ANKS1B: variants seen among roughly 807,000 people sequenced by gnomAD.
The protein encoded by ANKS1B is ankyrin repeat and sterile alpha motif domain containing 1B.
Under a neutral mutation model 148.3 loss-of-function variants are expected in ANKS1B, and 36 were observed. That is an observed-to-expected ratio of 0.24 (90% CI 0.19 to 0.32). The LOEUF is 0.32. ANKS1B is among the 10% of genes least tolerant of loss of function. The pLI is 1.00. For missense variants in ANKS1B, 1,157 were observed against 1,542.6 expected, an observed-to-expected ratio of 0.75 and a Z score of 4.19; for synonymous variants, 542 against 560.8, an observed-to-expected ratio of 0.97 and a Z score of 0.47.
At chr12:99,025,521 G>C (rs2099948239) in intron 17 of ANKS1B, among the ~76,000 whole-genome samples, 1 of 152,194 alleles carries the variant, frequency 6.6e-6, no homozygotes, top group Non-Finnish European at 1.5e-5. Flanking sequence ...ATGTCAGGCT[G>C]TTGCTTTTTC....
At chr12:99,167,004 C>T (rs2077245878) in intron 14 of ANKS1B, among the ~76,000 whole-genome samples, 1 of 151,946 alleles carries the variant, frequency 6.6e-6, no homozygotes, top group Non-Finnish European at 1.5e-5. Context: ...AAAATCAGTT[C>T]TGTAAAGAAA....
intron 9 of ANKS1B, among the ~76,000 whole-genome samples, chr12:99,604,550 A>G (rs2097835245): frequency 6.6e-6 from 1 of 151,950 alleles, no homozygotes; most frequent in East Asian, 1.9e-4. Context: ...TGGAGTGCCT[A>G]ACGCCTGTAA....
At chr12:99,717,537 G>A (rs2153546806) in intron 8 of ANKS1B, among the ~76,000 whole-genome samples, 1 of 152,256 alleles carries the variant, frequency 6.6e-6, no homozygotes, top group Admixed American at 6.5e-5. Flanking sequence ...TCCCATCTGT[G>A]TGGGACCCCA....
intron 17 of ANKS1B, among the ~76,000 whole-genome samples, chr12:98,901,127 G>A (rs556285442): frequency 6.6e-6 from 1 of 152,118 alleles, no homozygotes; most frequent in Non-Finnish European, 1.5e-5. Context: ...CTCGGCTCTT[G>A]TCCTCAAATA....
At chr12:99,615,810 A>G (rs10860475) in intron 9 of ANKS1B, among the ~76,000 whole-genome samples, 10,764 of 152,214 alleles carry the variant, frequency 0.071, 578 homozygotes, top group East Asian at 0.24. Context: ...AGGCAAGAGA[A>G]AGAAATAAAG....
intron 9 of ANKS1B, among the ~76,000 whole-genome samples, chr12:99,608,908 T>G (rs6538919): frequency 0.66 from 99,770 of 151,772 alleles, 32,977 homozygotes; most frequent in Admixed American, 0.71. Flanking sequence ...GGAAACTGAA[T>G]GGAAGATAGA....
At chr12:99,114,191 T>C (rs569921798) in intron 15 of ANKS1B, among the ~76,000 whole-genome samples, 2 of 152,304 alleles carry the variant, frequency 1.3e-5, no homozygotes, top group African/African-American at 4.8e-5. Context: ...TCTCATAACC[T>C]TTATGAGAAT....
intron 12 of ANKS1B, among the ~76,000 whole-genome samples, chr12:99,257,094 A>T (rs1368695353): frequency 6.6e-6 from 1 of 152,138 alleles, no homozygotes; most frequent in Non-Finnish European, 1.5e-5. Context: ...AATACAAAAA[A>T]TTAGCCTGGC....
intron 17 of ANKS1B, among the ~76,000 whole-genome samples, chr12:98,987,704 CA>C (rs141323821): frequency 0.066 from 10,097 of 152,094 alleles, 465 homozygotes; most frequent in Non-Finnish European, 0.093. Flanking sequence ...AGAACTCAAA[CA>C]AAGACTATTA....
intron 10 of ANKS1B, among the ~76,000 whole-genome samples, chr12:99,458,479 C>A (rs931796785): frequency 1.3e-5 from 2 of 149,496 alleles, no homozygotes; most frequent in African/African-American, 4.9e-5. Flanking sequence ...AAAGCTGGTT[C>A]TTTGAAAAGA....
chr12:99,661,348 T>C (rs12818180), intron 8 of ANKS1B, among the ~76,000 whole-genome samples: 65,882 of 151,946 alleles, frequency 0.43, 15,066 homozygotes, highest in South Asian at 0.56. Context: ...CACACTTACA[T>C]GTAGACATAC....
rs1317079958 is a variant in ANKS1B at position 99,825,301 on chromosome 12, G to C, written c.215+8C>G. ...ACACACGATTCCGTCCAAATAAGTG[G>C]CACTTACTTATGTCCATTTAAGGCT... On this transcript the variant is annotated splice_region_variant and intron_variant, in intron 2 of 26. Coordinates refer to ENST00000683438, the MANE Select transcript of ANKS1B (RefSeq NM_001352186.2). 12 of 1,607,028 alleles carry C rather than the reference G, an allele frequency of 7.5e-6. No individual in the cohort carries two copies. The highest frequency in any genetic ancestry group is 1.0e-5 in the Non-Finnish European group (12 of 1,174,864).
At chr12:98,928,352 C>A (rs2099810634) in intron 17 of ANKS1B, among the ~76,000 whole-genome samples, 1 of 150,482 alleles carries the variant, frequency 6.6e-6, no homozygotes, top group African/African-American at 2.4e-5. Flanking sequence ...TGAATTCTAC[C>A]AAATACTTAA....
chr12:99,979,364 A>G (rs1244079301), intron 1 of ANKS1B, among the ~76,000 whole-genome samples: 2 of 152,318 alleles, frequency 1.3e-5, no homozygotes, highest in South Asian at 4.1e-4. Flanking sequence ...CTGGCAGAGT[A>G]AAAGGAAAAC....
chr12:98,856,482 T>C (rs887515477), intron 17 of ANKS1B, among the ~76,000 whole-genome samples: 2 of 152,214 alleles, frequency 1.3e-5, no homozygotes, highest in African/African-American at 4.8e-5. Flanking sequence ...CATAGGCCTA[T>C]TGAAGGCATT....
chr12:99,207,597 G>C (rs1287138927), intron 14 of ANKS1B, among the ~76,000 whole-genome samples: 1 of 152,020 alleles, frequency 6.6e-6, no homozygotes, highest in Non-Finnish European at 1.5e-5. Context: ...GTTTTTGACA[G>C]ACAGCTCAAA....
At chr12:98,940,794 T>C (rs185984857) in intron 17 of ANKS1B, among the ~76,000 whole-genome samples, 7 of 152,012 alleles carry the variant, frequency 4.6e-5, no homozygotes, top group Admixed American at 3.9e-4. Context: ...TAACCTAGAG[T>C]CTAGCAAGAG....
chr12:99,501,945 A>C (rs898633377), intron 10 of ANKS1B, among the ~76,000 whole-genome samples: 12 of 152,064 alleles, frequency 7.9e-5, no homozygotes, highest in Admixed American at 3.3e-4. Context: ...TTTCTTTTCT[A>C]TATCGTATCC....
chr12:99,655,221 A>G lies in ANKS1B; in HGVS notation c.1129-11T>C. 1.3e-6 allele frequency: 2 copies of G among 1,576,268 alleles called. No homozygotes were observed. The highest frequency in any genetic ancestry group is 1.7e-6 in the Non-Finnish European group (2 of 1,155,088). On this transcript the variant is annotated splice_polypyrimidine_tract_variant and intron_variant, in intron 8 of 26. Coordinates refer to ENST00000683438, the MANE Select transcript of ANKS1B (RefSeq NM_001352186.2). ...TGTAGATGAGGTTCTCTGAAATTAA[A>G]TTTATATCATACCAATATATTATAT...
Sources: gnomAD v4.1 joint callset for allele counts (sites outside exome capture counted in the v4.1 genomes callset) on GRCh38, gnomAD v4.1.1 for gene constraint, MANE v1.5 for transcripts, NCBI Gene and HGNC (gene_info 2026-07-23, HGNC 2026-07-21) for gene names.